RPSA2: variants seen among roughly 807,000 people sequenced by gnomAD.
RPSA2 encodes the protein ribosomal protein SA 2.
chr19:23,784,189 T>C, the RPSA2 span, among the ~76,000 whole-genome samples: 2 of 152,224 alleles, frequency 1.3e-5, no homozygotes, highest in African/African-American at 4.8e-5. Flanking sequence ...GGCTCTTCTT[T>C]CTGTACAAAT....
chr19:23,781,591 G>A, the RPSA2 span, among the ~76,000 whole-genome samples: 5 of 152,034 alleles, frequency 3.3e-5, no homozygotes, highest in Admixed American at 1.3e-4. Context: ...TGCCCACCTC[G>A]GCCTCCCAAG....
the RPSA2 span, among the ~76,000 whole-genome samples, chr19:23,868,482 A>T: frequency 2.3e-4 from 35 of 151,862 alleles, no homozygotes; most frequent in Non-Finnish European, 3.7e-4. Flanking sequence ...GACCAGGCAC[A>T]TCAAACGTTA....
At chr19:23,785,008 ACTTT>A in the RPSA2 span, among the ~76,000 whole-genome samples, 1 of 152,202 alleles carries the variant, frequency 6.6e-6, no homozygotes, top group African/African-American at 2.4e-5. Context: ...TCATTCCTGG[ACTTT>A]CTTTCAGATG....
At chr19:23,767,389 AT>A in the RPSA2 span, among the ~76,000 whole-genome samples, 1 of 151,950 alleles carries the variant, frequency 6.6e-6, no homozygotes, top group African/African-American at 2.4e-5. Context: ...TCTCAACCTG[AT>A]TTTTATTTTT....
chr19:23,826,842 C>T, the RPSA2 span, among the ~76,000 whole-genome samples: 78 of 150,154 alleles, frequency 5.2e-4, 3 homozygotes, highest in East Asian at 5.0e-3. Context: ...CGTGCCAACA[C>T]GTTTGGCTAA....
chr19:23,797,919 A>G, the RPSA2 span, among the ~76,000 whole-genome samples: 6 of 152,208 alleles, frequency 3.9e-5, no homozygotes, highest in African/African-American at 1.4e-4. Flanking sequence ...TAAGAGGCTT[A>G]ATTAGTCCAC....
At chr19:23,776,278 C>T in the RPSA2 span, among the ~76,000 whole-genome samples, 2 of 152,146 alleles carry the variant, frequency 1.3e-5, no homozygotes, top group African/African-American at 4.8e-5. Context: ...CGTGACATAT[C>T]GCTGGACCAG....
chr19:23,799,307 C>T, the RPSA2 span: 1 of 152,180 alleles, frequency 6.6e-6, no homozygotes, highest in Non-Finnish European at 1.5e-5. Context: ...CTGTGAAAGA[C>T]GTGGCTGTCA....
chr19:23,797,681 T>C, the RPSA2 span, among the ~76,000 whole-genome samples: 1 of 152,224 alleles, frequency 6.6e-6, no homozygotes, highest in African/African-American at 2.4e-5. Flanking sequence ...CTGTGGGATG[T>C]TGTAGTCTCC....
chr19:23,793,354 G>T, the RPSA2 span, among the ~76,000 whole-genome samples: 1 of 56,744 alleles, frequency 1.8e-5, no homozygotes. Context: ...TCACTTTTTT[G>T]GGGTTATATC....
chr19:23,831,307 G>T, the RPSA2 span, among the ~76,000 whole-genome samples: 2 of 152,152 alleles, frequency 1.3e-5, no homozygotes. Context: ...AAGGTACTAC[G>T]TTATAGTGGA....
the RPSA2 span, among the ~76,000 whole-genome samples, chr19:23,857,422 C>G: frequency 6.6e-6 from 1 of 151,830 alleles, no homozygotes; most frequent in Non-Finnish European, 1.5e-5. Flanking sequence ...CATTTGGGGT[C>G]CCTGACTTCC....
the RPSA2 span, chr19:23,843,214 C>T: frequency 3.9e-6 from 1 of 258,168 alleles, no homozygotes; most frequent in Non-Finnish European, 8.0e-6. Flanking sequence ...TGATCTCCTG[C>T]CTTGAGCAAA....
At chr19:23,838,304 G>GTGT in the RPSA2 span, among the ~76,000 whole-genome samples, 1 of 151,510 alleles carries the variant, frequency 6.6e-6, no homozygotes, top group Non-Finnish European at 1.5e-5. Flanking sequence ...CTTGATCATG[G>GTGT]ATTATCTTTT....
chr19:23,868,798 A>T, the RPSA2 span, among the ~76,000 whole-genome samples: 4 of 152,162 alleles, frequency 2.6e-5, no homozygotes, highest in Non-Finnish European at 5.9e-5. Context: ...GCGTGCAACC[A>T]TGGAATGGAA....
At chr19:23,766,334 A>C in the RPSA2 span, among the ~76,000 whole-genome samples, 127 of 151,242 alleles carry the variant, frequency 8.4e-4, no homozygotes, top group African/African-American at 2.8e-3. Flanking sequence ...TGTACCCTTT[A>C]AAAAATTATT....
At chr19:23,850,339 C>T in the RPSA2 span, among the ~76,000 whole-genome samples, 1 of 142,446 alleles carries the variant, frequency 7.0e-6, no homozygotes, top group Non-Finnish European at 1.5e-5. Context: ...TAAGCAAGAT[C>T]CAGTGCTGAA....
At chr19:23,794,122 T>G in the RPSA2 span, among the ~76,000 whole-genome samples, 4 of 152,174 alleles carry the variant, frequency 2.6e-5, no homozygotes, top group South Asian at 8.3e-4. Context: ...TCAAGTTGAT[T>G]CCATGTCTTT....
At chr19:23,796,819 A>G in the RPSA2 span, among the ~76,000 whole-genome samples, 2 of 148,456 alleles carry the variant, frequency 1.3e-5, no homozygotes, top group African/African-American at 4.9e-5. Flanking sequence ...GTTTATTTGG[A>G]TCATCCCTTC....
Sources: allele counts gnomAD v4.1 joint callset (sites outside exome capture counted in the v4.1 genomes callset), GRCh38; gene constraint gnomAD v4.1.1; transcripts MANE v1.5; gene names NCBI Gene and HGNC (gene_info 2026-07-23, HGNC 2026-07-21).